GHR: variants seen among roughly 807,000 people sequenced by gnomAD.
GHR encodes growth hormone receptor, also known as GH receptor.
GHR carries 35 observed loss-of-function variants against 67.1 expected under a neutral mutation model. That is an observed-to-expected ratio of 0.52 (90% CI 0.40 to 0.69). The LOEUF is 0.69. GHR is among the 30% of genes least tolerant of loss of function. GHR has a pLI of 0.00. For missense variants in GHR, 792 were observed against 764.6 expected, an observed-to-expected ratio of 1.04 and a Z score of -0.42; for synonymous variants, 272 against 269.1, an observed-to-expected ratio of 1.01 and a Z score of -0.10.
intron 1 of GHR, among the ~76,000 whole-genome samples, chr5:42,513,707 G>C (rs185027274): frequency 2.0e-5 from 3 of 152,084 alleles, no homozygotes; most frequent in Middle Eastern, 3.4e-3. Flanking sequence ...GCTTGAACTC[G>C]GGAGGCGGAG....
At chr5:42,532,261 C>T (rs1397360028) in intron 1 of GHR, among the ~76,000 whole-genome samples, 2 of 152,050 alleles carry the variant, frequency 1.3e-5, no homozygotes, top group African/African-American at 4.8e-5. Flanking sequence ...GTCATCAGAA[C>T]TTCTGTTTAT....
intron 1 of GHR, among the ~76,000 whole-genome samples, chr5:42,439,905 TC>T: frequency 1.3e-5 from 2 of 152,316 alleles, no homozygotes; most frequent in Admixed American, 1.3e-4. Context: ...ATGTTTTTTC[TC>T]CATACAGCTT....
intron 1 of GHR, chr5:42,514,345 C>G: frequency 1.0e-6 from 1 of 981,256 alleles, no homozygotes; most frequent in Non-Finnish European, 1.2e-6. Flanking sequence ...GATCTCCAGC[C>G]TTGCTCCTCT....
At chr5:42,481,910 G>A (rs1208350677) in intron 1 of GHR, among the ~76,000 whole-genome samples, 1 of 151,962 alleles carries the variant, frequency 6.6e-6, no homozygotes, top group African/African-American at 2.4e-5. Context: ...ATCCATCTTT[G>A]TTCCATTGCT....
intron 6 of GHR, among the ~76,000 whole-genome samples, chr5:42,709,671 G>A (rs960426565): frequency 6.6e-6 from 1 of 152,154 alleles, no homozygotes; most frequent in African/African-American, 2.4e-5. Context: ...AGAAAGGTGT[G>A]TATCACTAAA....
intron 3 of GHR, among the ~76,000 whole-genome samples, chr5:42,660,869 A>T (rs1356448941): frequency 6.6e-6 from 1 of 152,220 alleles, no homozygotes; most frequent in African/African-American, 2.4e-5. Flanking sequence ...AAAAAAATTT[A>T]GAAGAATGTA....
At chr5:42,511,261 C>T (rs1452532968) in intron 1 of GHR, among the ~76,000 whole-genome samples, 1 of 152,132 alleles carries the variant, frequency 6.6e-6, no homozygotes, top group African/African-American at 2.4e-5. Context: ...ATAGTTTGAA[C>T]CTCTCTAACC....
rs540480343 is a variant in GHR, at chr5:42,599,388, G to C, written c.71-29650G>C. The stretch of plus-strand genomic sequence containing the variant: ...TTTTTTTTTTTTTTTTTTTGAGACA[G>C]AGTTCACTCTGTCACCCAGGCCGGA... On this transcript the variant is annotated intron_variant, in intron 2 of 9. Coordinates refer to ENST00000230882, the MANE Select transcript of GHR (RefSeq NM_000163.5). 2.6e-3 allele frequency among the ~76,000 whole-genome samples: 320 copies of C among 122,662 alleles called. 1 individual carries two copies. Among genetic ancestry groups the C allele is most frequent in the African/African-American group, 0.01 (302 of 30,144 alleles). 80.5% of individuals were successfully genotyped at this position (122,662 alleles called of 152,430 possible).
At chr5:42,476,044 A>G (rs915319464) in intron 1 of GHR, among the ~76,000 whole-genome samples, 1 of 151,164 alleles carries the variant, frequency 6.6e-6, no homozygotes, top group Non-Finnish European at 1.5e-5. Context: ...AGCTGGAACT[A>G]CAGGCGCCAA....
chr5:42,607,107 C>G (rs1480168736), intron 2 of GHR, among the ~76,000 whole-genome samples: 1 of 152,274 alleles, frequency 6.6e-6, no homozygotes, highest in East Asian at 1.9e-4. Flanking sequence ...CACTTTCCCT[C>G]TCTCCTGCCA....
At chr5:42,531,435 G>A (rs1312475776) in intron 1 of GHR, among the ~76,000 whole-genome samples, 1 of 151,958 alleles carries the variant, frequency 6.6e-6, no homozygotes, top group African/African-American at 2.4e-5. Context: ...AGTGAATGGG[G>A]CTTTCTGGCA....
chr5:42,697,142 T>C (rs1439529654), intron 5 of GHR, among the ~76,000 whole-genome samples: 1 of 152,218 alleles, frequency 6.6e-6, no homozygotes, highest in Non-Finnish European at 1.5e-5. Flanking sequence ...AATGTAACCC[T>C]GGTAGATCTT....
intron 1 of GHR, among the ~76,000 whole-genome samples, chr5:42,525,408 T>C (rs935969852): frequency 1.3e-5 from 2 of 152,208 alleles, no homozygotes; most frequent in African/African-American, 4.8e-5. Context: ...TCCAATTTCT[T>C]CCATTTGGAA....
chr5:42,462,265 T>C (rs986750092), intron 1 of GHR, among the ~76,000 whole-genome samples: 1 of 152,228 alleles, frequency 6.6e-6, no homozygotes, highest in Non-Finnish European at 1.5e-5. Context: ...TGTCATTAGA[T>C]TGATTTTCAT....
Position 42,438,210 on chromosome 5 carries a change from G to A in GHR, c.-12+14255G>A, listed in dbSNP as rs140531093. Among the ~76,000 whole-genome samples, 17 of 152,228 alleles carry A rather than the reference G, an allele frequency of 1.1e-4. No homozygotes were observed. In the East Asian group the frequency reaches 1.7e-3, roughly 16 times the overall value. On this transcript the variant is annotated intron_variant, in intron 1 of 9. Coordinates refer to ENST00000230882, the MANE Select transcript of GHR (RefSeq NM_000163.5). The stretch of plus-strand genomic sequence containing the variant: ...TTAATCCCACACAAAACCCATGATC[G>A]ACCTAATTGTACACTTGGTGAAACT...
chr5:42,631,165 T>G (rs1479361133), intron 3 of GHR, among the ~76,000 whole-genome samples: 1 of 152,206 alleles, frequency 6.6e-6, no homozygotes, highest in Non-Finnish European at 1.5e-5. Flanking sequence ...CATTGTGTCT[T>G]GTTGAAATAC....
intron 1 of GHR, among the ~76,000 whole-genome samples, chr5:42,449,407 G>T (rs1434789092): frequency 6.6e-6 from 1 of 152,132 alleles, no homozygotes; most frequent in Non-Finnish European, 1.5e-5. Flanking sequence ...TGTTGTAAAA[G>T]GAATTGAGTT....
intron 1 of GHR, among the ~76,000 whole-genome samples, chr5:42,497,111 G>T (rs1746353816): frequency 6.6e-6 from 1 of 152,122 alleles, no homozygotes; most frequent in African/African-American, 2.4e-5. Context: ...AAGAGTCAAA[G>T]ACTGAAATTC....
chr5:42,674,762 T>C (rs540676638), intron 3 of GHR, among the ~76,000 whole-genome samples: 1 of 152,316 alleles, frequency 6.6e-6, no homozygotes, highest in Admixed American at 6.5e-5. Flanking sequence ...GATGGACCTT[T>C]GAGTTGTTTC....
Sources: allele counts gnomAD v4.1 joint callset (sites outside exome capture counted in the v4.1 genomes callset), GRCh38; gene constraint gnomAD v4.1.1; transcripts MANE v1.5; gene names NCBI Gene and HGNC (gene_info 2026-07-23, HGNC 2026-07-21).